Variants in WIPF1 observed in about 807,000 individuals in gnomAD.
WIPF1 encodes WAS/WASL interacting protein family member 1.
A neutral mutation model predicts 35.4 loss-of-function variants in WIPF1; 13 were observed. The observed-to-expected ratio is 0.37, with a 90% CI of 0.24 to 0.58. WIPF1 has a LOEUF of 0.58. WIPF1 is among the 20% of genes least tolerant of loss of function. The pLI is 0.74. For missense variants in WIPF1, 591 were observed against 667.0 expected (o/e 0.89, Z 1.25); for synonymous variants, 267 against 266.3 (o/e 1.00, Z -0.02).
chr2:174,567,333 A>G (rs1684694143), intron 6 of WIPF1, 150 bp from the exon 7 acceptor site: 7 of 725,082 alleles, frequency 9.7e-6, no homozygotes, highest in Non-Finnish European at 1.6e-5. Context: ...TGGAAGTGCT[A>G]CAAAGGTCAC....
intron 1 of WIPF1, among the ~76,000 whole-genome samples, chr2:174,586,198 G>A (rs769487085): frequency 2.6e-5 from 4 of 152,144 alleles, no homozygotes; most frequent in Non-Finnish European, 4.4e-5. Flanking sequence ...CGGGGTGGAC[G>A]TGTGGGGGGT....
intron 1 of WIPF1, among the ~76,000 whole-genome samples, chr2:174,633,253 T>A (rs1351339784): frequency 6.6e-6 from 1 of 152,222 alleles, no homozygotes; most frequent in Non-Finnish European, 1.5e-5. Flanking sequence ...TTTTTCTCTT[T>A]CATCACTGTT....
intron 1 of WIPF1, among the ~76,000 whole-genome samples, chr2:174,591,703 C>CACACAT (rs1371857940): frequency 1.3e-5 from 2 of 151,810 alleles, no homozygotes; most frequent in African/African-American, 4.8e-5. Flanking sequence ...CACACACACA[C>CACACAT]ACCACCCCAA....
intron 7 of WIPF1, chr2:174,566,282 A>G (rs1038965502): frequency 6.6e-6 from 1 of 152,180 alleles, no homozygotes; most frequent in Non-Finnish European, 1.5e-5. Flanking sequence ...AACACTTCCT[A>G]TACATTTACT....
chr2:174,681,990 T>C (rs1019088889), intron 1 of WIPF1, among the ~76,000 whole-genome samples: 1 of 152,232 alleles, frequency 6.6e-6, no homozygotes, highest in East Asian at 1.9e-4. Flanking sequence ...TCACAGCGAC[T>C]GGGTCAGCTG....
At chr2:174,595,571 G>C in intron 1 of WIPF1, among the ~76,000 whole-genome samples, 1 of 152,214 alleles carries the variant, frequency 6.6e-6, no homozygotes, top group East Asian at 1.9e-4. Context: ...GGTGAAGAAC[G>C]TAACACAAAA....
At chr2:174,582,430 G>T (rs139075607) in intron 2 of WIPF1, among the ~76,000 whole-genome samples, 29 of 152,262 alleles carry the variant, frequency 1.9e-4, no homozygotes, top group African/African-American at 7.0e-4. Flanking sequence ...AAACCCACAG[G>T]TCCTTTCTAG....
At position 174,590,286 on chromosome 2, in the gene WIPF1, T is replaced by C. The variant is rs1303664029; in HGVS notation, c.-38-4675A>G. ...TGAGCAGATTAAATGAAATGGTGTG[T>C]GCAAGGCTTTCAGCATGGCCTGGGG... On this transcript the variant is annotated intron_variant, in intron 1 of 7. Coordinates refer to ENST00000679041, the MANE Select transcript of WIPF1 (RefSeq NM_001375834.1). The surrounding 1 kb of genome is among the most constrained non-coding windows in gnomAD (Gnocchi z 4.6). Among the ~76,000 whole-genome samples the C allele has an allele frequency of 6.6e-6, 1 of 152,168 alleles. No individual in the cohort carries two copies. The highest frequency in any genetic ancestry group is 1.5e-5 in the Non-Finnish European group (1 of 68,022).
chr2:174,564,606 T>C (rs1292025719), intron 7 of WIPF1, among the ~76,000 whole-genome samples: 1 of 152,140 alleles, frequency 6.6e-6, no homozygotes, highest in Non-Finnish European at 1.5e-5. Context: ...GATATATGCT[T>C]AGCTATTCCA....
At chr2:174,677,250 T>G (rs1334514985) in intron 1 of WIPF1, 1 of 152,240 alleles carries the variant, frequency 6.6e-6, no homozygotes, top group African/African-American at 2.4e-5. Context: ...GATACTCTTC[T>G]GCAAAACAAA....
At chr2:174,674,174 T>C (rs943349050) in intron 1 of WIPF1, among the ~76,000 whole-genome samples, 1 of 152,118 alleles carries the variant, frequency 6.6e-6, no homozygotes, top group African/African-American at 2.4e-5. Flanking sequence ...CCCAGAAAAA[T>C]AAGCAGGAGC....
At chr2:174,634,555 C>G (rs931464343) in intron 1 of WIPF1, 1 of 152,208 alleles carries the variant, frequency 6.6e-6, no homozygotes, top group African/African-American at 2.4e-5. Flanking sequence ...ACCAACTTCT[C>G]GAGTTCCCCT....
intron 1 of WIPF1, among the ~76,000 whole-genome samples, chr2:174,652,806 A>C (rs1028266393): frequency 3.3e-5 from 5 of 151,890 alleles, no homozygotes; most frequent in Non-Finnish European, 7.4e-5. Flanking sequence ...AAAAAAAAAA[A>C]ACAAAAAAAA....
At chr2:174,640,230 A>G (rs533562918) in intron 1 of WIPF1, among the ~76,000 whole-genome samples, 8 of 151,816 alleles carry the variant, frequency 5.3e-5, no homozygotes, top group African/African-American at 1.7e-4. Context: ...CCAAGGTGAA[A>G]GAAGTCTACA....
At chr2:174,575,859 G>A (rs764764832) in intron 3 of WIPF1, among the ~76,000 whole-genome samples, 3 of 152,066 alleles carry the variant, frequency 2.0e-5, no homozygotes, top group Non-Finnish European at 4.4e-5. Context: ...GATCTTCAAA[G>A]AAAGAGGGTC....
intron 2 of WIPF1, among the ~76,000 whole-genome samples, chr2:174,582,534 T>C (rs1472807703): frequency 6.6e-6 from 1 of 152,228 alleles, no homozygotes; most frequent in Non-Finnish European, 1.5e-5. Context: ...CTCAATACCT[T>C]ACCCAGCCTT....
chr2:174,647,373 GT>G (rs796140776), intron 1 of WIPF1, among the ~76,000 whole-genome samples: 3,664 of 146,138 alleles, frequency 0.025, 137 homozygotes, highest in African/African-American at 0.081. Context: ...GTGAGATGCT[GT>G]TTTTTTTTTT....
chr2:174,576,385 A>C (rs537279294), intron 3 of WIPF1, among the ~76,000 whole-genome samples: 1 of 152,066 alleles, frequency 6.6e-6, no homozygotes, highest in African/African-American at 2.4e-5. Flanking sequence ...CTTTGTTAGC[A>C]CTTCTTGTGT....
rs531151079 is a variant in WIPF1, at chr2:174,622,327, A to T, written c.-38-36716T>A. Among the ~76,000 whole-genome samples the T allele has an allele frequency of 3.3e-5, 5 of 152,354 alleles. No individual in the cohort carries two copies. Among genetic ancestry groups the T allele is most frequent in the African/African-American group, 9.6e-5 (4 of 41,578 alleles). On this transcript the variant is annotated intron_variant, in intron 1 of 8. Transcript: ENST00000272746. The surrounding 1 kb of genome is among the most constrained non-coding windows in gnomAD (Gnocchi z 5.1). ...TTTATTTAACTCAACTAACCTAAAA[A>T]AATCTAAAGACATATTTAGTGTCAT...
Sources: gnomAD v4.1 joint callset for allele counts (sites outside exome capture counted in the v4.1 genomes callset) on GRCh38, gnomAD v4.1.1 for gene constraint, Gnocchi (gnomAD v3.1) non-coding constraint, MANE v1.5 for transcripts, NCBI Gene and HGNC (gene_info 2026-07-23, HGNC 2026-07-21) for gene names.